LZTFL1: variants seen among roughly 807,000 people sequenced by gnomAD.
LZTFL1 encodes leucine zipper transcription factor like 1.
Under a neutral mutation model 45.9 loss-of-function variants are expected in LZTFL1, and 25 were observed. That is an observed-to-expected ratio of 0.54 (90% CI 0.40 to 0.76). The LOEUF is 0.76. Ranked by LOEUF, LZTFL1 falls within the 30% of genes least tolerant of loss-of-function variation. The pLI, the probability that LZTFL1 is intolerant of heterozygous loss-of-function variation, is 0.00. For missense variants in LZTFL1, 277 were observed against 331.1 expected (o/e 0.84, Z 1.27); for synonymous variants, 93 against 117.4 (o/e 0.79, Z 1.35).
intron 1 of LZTFL1, among the ~76,000 whole-genome samples, chr3:45,841,300 T>C (rs758390): frequency 0.95 from 144,819 of 152,350 alleles, 68,901 homozygotes; most frequent in East Asian, 1. Flanking sequence ...TTCCTGAACA[T>C]TTCAGTGCTG....
chr3:45,907,560 A>T lies in LZTFL1; in HGVS notation c.-215+5560T>A, dbSNP rs151013528. ...TTTCTAAACAGTGTAAACAACCCTCAGTCAAGAGCTGGCCGAAGCGTCCCT... is the reference window on the plus strand; with the variant it reads ...TTTCTAAACAGTGTAAACAACCCTCTGTCAAGAGCTGGCCGAAGCGTCCCT... On this transcript the variant is annotated intron_variant, in intron 2 of 4. Transcript: ENST00000472635. Among the ~76,000 whole-genome samples the T allele has an allele frequency of 6.6e-3, 1,000 of 152,314 alleles. 14 individuals are homozygous for T. The highest frequency in any genetic ancestry group is 0.023 in the African/African-American group (941 of 41,566).
At chr3:45,897,644 A>G (rs1395840990) in intron 2 of LZTFL1, 1 of 1,524,988 alleles carries the variant, frequency 6.6e-7, no homozygotes, top group Admixed American at 2.0e-5. Context: ...CAGGACTAAC[A>G]CAGCTAAGTG....
At chr3:45,883,331 T>C (rs562919713) in intron 2 of LZTFL1, among the ~76,000 whole-genome samples, 5 of 152,334 alleles carry the variant, frequency 3.3e-5, no homozygotes, top group South Asian at 4.1e-4. Context: ...CTTTAAGAGA[T>C]TGATAAATTC....
rs759810910 is a variant in LZTFL1, at chr3:45,826,345, A to G, written c.882-13T>C. Reference sequence around the variant, plus strand: ...TTCAGGTTCATATCTGGAGATATAAATTAAGAACACAATGTCAGGATACCT... The same window carrying G: ...TTCAGGTTCATATCTGGAGATATAAGTTAAGAACACAATGTCAGGATACCT... On this transcript the variant is annotated splice_polypyrimidine_tract_variant and intron_variant, in intron 9 of 9. Coordinates refer to ENST00000296135, the MANE Select transcript of LZTFL1 (RefSeq NM_020347.4). 8.1e-6 allele frequency: 13 copies of G among 1,608,086 alleles called. No individual in the cohort carries two copies. In the South Asian group the frequency reaches 1.3e-4, roughly 16 times the overall value.
At position 45,901,580 on chromosome 3, in the gene LZTFL1, C is replaced by T. The variant is rs761059125; in HGVS notation, c.-215+11540G>A. ...CCATCACTGTCCTGACCGTCTTTGT[C>T]TTGTCTCAGTTTCCCTACAACTGCA... is the stretch of plus-strand genomic sequence containing the variant. On this transcript the variant is annotated intron_variant, in intron 2 of 4. Transcript: ENST00000472635. This position sits in a 1 kb window ranked among gnomAD's most constrained non-coding sequence, Gnocchi z 4.3. 2.5e-6 allele frequency: 4 copies of T among 1,614,214 alleles called. No homozygotes were observed. In the African/African-American group the frequency reaches 4.0e-5, roughly 16 times the overall value.
chr3:45,831,050 G>A, intron 6 of LZTFL1, 23 bp downstream of exon 6: 1 of 1,605,322 alleles, frequency 6.2e-7, no homozygotes, highest in African/African-American at 1.3e-5. Context: ...TTCAATAATT[G>A]TGTCAAAACA....
At chr3:45,903,759 C>T (rs149515333) in intron 2 of LZTFL1, among the ~76,000 whole-genome samples, 5 of 152,308 alleles carry the variant, frequency 3.3e-5, no homozygotes, top group African/African-American at 7.2e-5. Context: ...AAGAAAACAT[C>T]GGCCTGGGAC....
chr3:45,907,363 A>G (rs532522400), intron 2 of LZTFL1, among the ~76,000 whole-genome samples: 8 of 152,292 alleles, frequency 5.3e-5, no homozygotes, highest in Middle Eastern at 6.8e-3. Flanking sequence ...ACCTGGACGA[A>G]CACTGTGCCT....
chr3:45,868,692 A>C (rs1419506840), intron 2 of LZTFL1, among the ~76,000 whole-genome samples: 1 of 152,242 alleles, frequency 6.6e-6, no homozygotes, highest in African/African-American at 2.4e-5. Flanking sequence ...ATTCCAAAGC[A>C]AGTATATCAT....
rs976289866 is a variant in LZTFL1, at chr3:45,890,537, C to G, written c.-215+22583G>C. Among the ~76,000 whole-genome samples, 3 of 150,288 alleles carry G rather than the reference C, an allele frequency of 2.0e-5. No homozygotes were observed. The Admixed American group carries it at 2.0e-4, about 10-fold the overall frequency. ...CAGCTCCAAAGTGGCTGCTTTTCTG[C>G]TTGCTGGGTGAGTTTCTTATTTCAA... On this transcript the variant is annotated intron_variant, in intron 2 of 4. Transcript: ENST00000472635.
chr3:45,888,821 GGC>G (rs10616431), intron 2 of LZTFL1, among the ~76,000 whole-genome samples: 6,183 of 152,242 alleles, frequency 0.041, 428 homozygotes, highest in African/African-American at 0.14. Flanking sequence ...TAGATGGCAA[GGC>G]TGTCTGTGGA....
chr3:45,880,828 C>T (rs944074701), intron 2 of LZTFL1, among the ~76,000 whole-genome samples: 1 of 152,052 alleles, frequency 6.6e-6, no homozygotes, highest in Non-Finnish European at 1.5e-5. Context: ...AGTGTGAGGG[C>T]CCCCTTCCCA....
chr3:45,824,355 AT>A lies in LZTFL1; in HGVS notation c.*1958del, dbSNP rs1700610723. The A allele has an allele frequency of 4.7e-5, 7 of 149,376 alleles. No homozygotes were observed. In the South Asian group the frequency reaches 1.5e-3, roughly 32 times the overall value. 9.3% of individuals were successfully genotyped at this position (149,376 alleles called of 1,614,324 possible). A position where few individuals can be genotyped will look rare whatever the true frequency, so the allele number is the denominator to read the frequency against. ...TTAAAACTGTATTTTGCTAAAGGGTATAGAGTAAATAACAACAACAACAACA... is the reference window on the plus strand; with the variant it reads ...TTAAAACTGTATTTTGCTAAAGGGTAAGAGTAAATAACAACAACAACAACA... On this transcript the variant is annotated 3_prime_UTR_variant, in exon 10 of 10. Coordinates refer to ENST00000296135, the MANE Select transcript of LZTFL1 (RefSeq NM_020347.4).
rs533844061 is a variant in LZTFL1, at chr3:45,913,356, A to G, written c.-272-179T>C. On this transcript the variant is annotated intron_variant, in intron 1 of 4. Coordinates refer to the LZTFL1 transcript ENST00000472635. Reference sequence around the variant, plus strand: ...CACCTTTGACAATCTGACAAAGCCTATAGCCCCTTTCTCAGAATGCTTTAA... The same window carrying G: ...CACCTTTGACAATCTGACAAAGCCTGTAGCCCCTTTCTCAGAATGCTTTAA... 2.8e-3 allele frequency among the ~76,000 whole-genome samples: 430 copies of G among 151,854 alleles called. 6 individuals are homozygous for G. Among genetic ancestry groups the G allele is most frequent in the African/African-American group, 9.6e-3 (397 of 41,390 alleles).
At chr3:45,883,725 G>T in intron 2 of LZTFL1, 1 of 567,738 alleles carries the variant, frequency 1.8e-6, no homozygotes, top group East Asian at 3.1e-5. Context: ...AGCTGAAAGT[G>T]CCAAAAGGCC....
rs146508105 is a variant in LZTFL1, at chr3:45,869,458, G to A, written c.-214-10442C>T. Among the ~76,000 whole-genome samples, 532 of 152,284 alleles carry A rather than the reference G, an allele frequency of 3.5e-3. 4 individuals are homozygous for A. Among genetic ancestry groups the A allele is most frequent in the African/African-American group, 0.012 (499 of 41,558 alleles). On this transcript the variant is annotated intron_variant, in intron 2 of 4. Transcript: ENST00000472635. The stretch of plus-strand genomic sequence containing the variant: ...ATTTCATTTAGAAAACACGGTTAAC[G>A]TTTCAATGAAGTAGTGGTTGGATAT...
intron 3 of LZTFL1, among the ~76,000 whole-genome samples, chr3:45,857,484 A>G (rs188381352): frequency 7.5e-4 from 114 of 152,312 alleles, no homozygotes; most frequent in Middle Eastern, 6.8e-3. Context: ...TTACTTGTGT[A>G]AAAAACCTGC....
chr3:45,857,434 T>A (rs969127429), intron 3 of LZTFL1, among the ~76,000 whole-genome samples: 5 of 151,970 alleles, frequency 3.3e-5, no homozygotes, highest in Admixed American at 3.3e-4. Flanking sequence ...AATATCTAGG[T>A]GATGGGTTGA....
chr3:45,854,920 T>TA (rs779104497), intron 4 of LZTFL1: 5 of 1,187,734 alleles, frequency 4.2e-6, no homozygotes, highest in Admixed American at 2.2e-5. Flanking sequence ...GGAATAACAA[T>TA]AAAAAAACAG....
Sources: allele counts gnomAD v4.1 joint callset (sites outside exome capture counted in the v4.1 genomes callset), GRCh38; gene constraint gnomAD v4.1.1; non-coding constraint Gnocchi (gnomAD v3.1); transcripts MANE v1.5; gene names NCBI Gene and HGNC (gene_info 2026-07-23, HGNC 2026-07-21).